Variants in CCDC146 observed in about 807,000 individuals in gnomAD.
CCDC146 encodes the protein coiled-coil domain containing 146, also known as coiled-coil domain-containing protein 146.
Under a neutral mutation model 119.3 loss-of-function variants are expected in CCDC146, and 92 were observed. The ratio of observed to expected loss-of-function variants is 0.77; its 90% CI spans 0.65 to 0.92. The LOEUF (loss-of-function observed/expected upper bound fraction) is 0.92. Among genes scored for constraint, CCDC146 ranks in the 40% least tolerant of loss-of-function variants. The pLI, the probability that CCDC146 is intolerant of heterozygous loss-of-function variation, is 0.00. For synonymous variants in CCDC146, 372 were observed against 371.8 expected (o/e 1.00, Z -0.01); for missense variants, 1,000 against 1,103.0 (o/e 0.91, Z 1.32).
chr7:77,178,456 G>A (rs150897826), intron 2 of CCDC146, among the ~76,000 whole-genome samples: 6,414 of 152,200 alleles, frequency 0.042, 316 homozygotes, highest in African/African-American at 0.12. Context: ...GGAATGGGAG[G>A]AAAACGCAGC....
chr7:77,281,013 G>T (rs2150547428), intron 14 of CCDC146, among the ~76,000 whole-genome samples: 1 of 151,840 alleles, frequency 6.6e-6, no homozygotes, highest in Middle Eastern at 3.4e-3. Flanking sequence ...TGCAGCACGA[G>T]AATCGCTTGA....
intron 15 of CCDC146, among the ~76,000 whole-genome samples, chr7:77,284,509 G>A (rs1793815842): frequency 1.3e-5 from 2 of 151,930 alleles, no homozygotes; most frequent in South Asian, 4.2e-4. Flanking sequence ...TCAAGATGCA[G>A]AGCAACACAA....
intron 3 of CCDC146, 94 bp downstream of exon 3, chr7:77,237,123 G>A: frequency 1.0e-6 from 1 of 993,984 alleles, no homozygotes. Context: ...CCCATAAGCA[G>A]ACCCTGAGGC....
At chr7:77,209,136 T>G (rs1792131485) in intron 2 of CCDC146, among the ~76,000 whole-genome samples, 1 of 152,050 alleles carries the variant, frequency 6.6e-6, no homozygotes, top group Non-Finnish European at 1.5e-5. Context: ...AAGTCCAAAT[T>G]CAAAGACCCA....
chr7:77,136,565 A>G (rs961389218), intron 1 of CCDC146, among the ~76,000 whole-genome samples: 3 of 152,218 alleles, frequency 2.0e-5, no homozygotes, highest in Admixed American at 1.3e-4. Flanking sequence ...ACATGCCAAA[A>G]TCCATATAAG....
At chr7:77,153,871 T>G (rs1485010333) in intron 1 of CCDC146, among the ~76,000 whole-genome samples, 1 of 152,026 alleles carries the variant, frequency 6.6e-6, no homozygotes, top group Non-Finnish European at 1.5e-5. Context: ...TTATGGAGCC[T>G]TACTAAAAAT....
chr7:77,172,570 G>A (rs1791439106), intron 2 of CCDC146, among the ~76,000 whole-genome samples: 1 of 152,168 alleles, frequency 6.6e-6, no homozygotes, highest in Admixed American at 6.6e-5. Flanking sequence ...ATTGCCTGAA[G>A]AGTGTGTTCA....
intron 2 of CCDC146, among the ~76,000 whole-genome samples, chr7:77,216,732 T>C (rs1792307883): frequency 6.6e-6 from 1 of 152,200 alleles, no homozygotes; most frequent in African/African-American, 2.4e-5. Flanking sequence ...TTTGCTAAAA[T>C]AATTGCTGGG....
At chr7:77,212,414 G>C (rs905196363) in intron 2 of CCDC146, among the ~76,000 whole-genome samples, 2 of 152,106 alleles carry the variant, frequency 1.3e-5, no homozygotes, top group Admixed American at 6.5e-5. Context: ...GAGGTCAGGA[G>C]ATCGAGACCA....
intron 2 of CCDC146, among the ~76,000 whole-genome samples, chr7:77,211,939 T>C (rs1792192866): frequency 6.6e-6 from 1 of 152,092 alleles, no homozygotes; most frequent in Non-Finnish European, 1.5e-5. Flanking sequence ...AAACACTAAC[T>C]TCAAACAAAT....
intron 15 of CCDC146, among the ~76,000 whole-genome samples, chr7:77,285,348 A>G (rs563346863): frequency 1.3e-5 from 2 of 152,238 alleles, no homozygotes; most frequent in Admixed American, 6.5e-5. Context: ...CAAATGCTTG[A>G]TTACATATGT....
intron 14 of CCDC146, among the ~76,000 whole-genome samples, chr7:77,281,944 C>T (rs562772454): frequency 1.3e-5 from 2 of 152,288 alleles, no homozygotes; most frequent in East Asian, 1.9e-4. Flanking sequence ...GGTGCATGAT[C>T]GGTCATGCAG....
intron 8 of CCDC146, among the ~76,000 whole-genome samples, chr7:77,261,823 C>T (rs544755658): frequency 2.6e-5 from 4 of 152,346 alleles, no homozygotes; most frequent in African/African-American, 9.6e-5. Context: ...ATATGTACCA[C>T]ATTTTCTTTA....
At position 77,160,492 on chromosome 7, in the gene CCDC146, G is replaced by A. The variant is rs796242315; in HGVS notation, c.-11-7166G>A. 2.3e-4 allele frequency among the ~76,000 whole-genome samples: 35 copies of A among 152,242 alleles called. No homozygotes were observed. The East Asian group carries it at 4.8e-3, about 21-fold the overall frequency. ...CTTGAAGAGGTCCTTCACGTCCCTT[G>A]TAAGTTGGATTCCTAGGTATTTTAT... On this transcript the variant is annotated intron_variant, in intron 1 of 18. Transcript: ENST00000285871.
chr7:77,218,526 A>T (rs1449738767), intron 2 of CCDC146, among the ~76,000 whole-genome samples: 1 of 152,004 alleles, frequency 6.6e-6, no homozygotes, highest in Non-Finnish European at 1.5e-5. Flanking sequence ...CAGTGAATCC[A>T]GTGGAATATG....
intron 1 of CCDC146, among the ~76,000 whole-genome samples, chr7:77,145,558 G>T (rs1791004314): frequency 6.6e-6 from 1 of 152,018 alleles, no homozygotes; most frequent in South Asian, 2.1e-4. Flanking sequence ...GGCATTTAGT[G>T]CTATAAATTT....
chr7:77,282,396 T>G, intron 14 of CCDC146, 161 bp from the exon 15 acceptor site: 1 of 597,000 alleles, frequency 1.7e-6, no homozygotes, highest in Non-Finnish European at 3.0e-6. Context: ...TTCCAAAGTG[T>G]GGATGTAATT....
chr7:77,123,403 G>GGGGTGT (rs1379477523), intron 1 of CCDC146, among the ~76,000 whole-genome samples: 35 of 125,254 alleles, frequency 2.8e-4, no homozygotes, highest in African/African-American at 9.4e-4. Flanking sequence ...GACCCTATAA[G>GGGGTGT]GTGTGTGTGT....
chr7:77,226,777 C>T (rs1584090487), intron 2 of CCDC146, among the ~76,000 whole-genome samples: 2 of 152,220 alleles, frequency 1.3e-5, no homozygotes, highest in Admixed American at 6.5e-5. Flanking sequence ...TTGAGTTCTG[C>T]ACCCACTTGT....
Sources: gnomAD v4.1 joint callset for allele counts (sites outside exome capture counted in the v4.1 genomes callset) on GRCh38, gnomAD v4.1.1 for gene constraint, MANE v1.5 for transcripts, NCBI Gene and HGNC (gene_info 2026-07-23, HGNC 2026-07-21) for gene names.